ST6GAL1: variants seen among roughly 807,000 people sequenced by gnomAD.
ST6GAL1 encodes the protein ST6 beta-galactoside alpha-2,6-sialyltransferase 1, also known as beta-galactoside alpha-2,6-sialyltransferase 1.
In ST6GAL1, 20 loss-of-function variants were observed where a neutral mutation model predicts 38.0. The observed-to-expected ratio is 0.53, with a 90% confidence interval of 0.37 to 0.77. The LOEUF (loss-of-function observed/expected upper bound fraction) is 0.77. Among genes scored for constraint, ST6GAL1 ranks in the 30% least tolerant of loss-of-function variants. The pLI is 0.00. For missense variants in ST6GAL1, 432 were observed against 496.4 expected (o/e 0.87, Z 1.23); for synonymous variants, 196 against 188.2 (o/e 1.04, Z -0.34).
chr3:187,026,749 A>G (rs2108569540), intron 2 of ST6GAL1, among the ~76,000 whole-genome samples: 1 of 152,314 alleles, frequency 6.6e-6, no homozygotes, highest in Non-Finnish European at 1.5e-5. Context: ...GTTACGTAAA[A>G]TACAATAAAA....
At chr3:187,014,156 G>T (rs1033860781) in intron 2 of ST6GAL1, among the ~76,000 whole-genome samples, 1 of 152,194 alleles carries the variant, frequency 6.6e-6, no homozygotes, top group African/African-American at 2.4e-5. Context: ...CTGTGAAGTA[G>T]GTGCTTTTGC....
At chr3:187,046,448 C>T (rs553429201) in intron 4 of ST6GAL1, among the ~76,000 whole-genome samples, 1 of 152,214 alleles carries the variant, frequency 6.6e-6, no homozygotes, top group Non-Finnish European at 1.5e-5. Context: ...ATTTACAAGT[C>T]ATTTGTATCA....
At chr3:186,978,221 TA>T (rs1715580846) in intron 2 of ST6GAL1, among the ~76,000 whole-genome samples, 1 of 151,450 alleles carries the variant, frequency 6.6e-6, no homozygotes, top group Admixed American at 6.6e-5. Flanking sequence ...AAAATAAAAA[TA>T]AAAGAAAAAA....
At position 187,043,221 on chromosome 3, in the gene ST6GAL1, G is replaced by T. The variant is rs200865084; in HGVS notation, c.518G>T (p.Ser173Ile). 4.6e-5 allele frequency: 74 copies of T among 1,614,228 alleles called. No individual in the cohort carries two copies. The East Asian group carries it at 1.6e-3, about 36-fold the overall frequency. The change falls in exon 4 of 8, where the codon AGC becomes ATC. Residue 173 changes from serine (S) to isoleucine (I), a missense_variant. Coordinates refer to ENST00000169298, the MANE Select transcript of ST6GAL1 (RefSeq NM_173216.2). ...SEWEGYLPKE[S>I]IRTKAGPWGR... ...TGGGAGGGTTATCTGCCCAAGGAGA[G>T]CATTAGGACCAAGGCTGGGCCTTGG...
intron 2 of ST6GAL1, among the ~76,000 whole-genome samples, chr3:186,985,490 G>T (rs1158760651): frequency 1.3e-5 from 2 of 151,758 alleles, no homozygotes; most frequent in African/African-American, 4.8e-5. Flanking sequence ...TTTTTGAAAG[G>T]ATATGATCTG....
intron 2 of ST6GAL1, among the ~76,000 whole-genome samples, chr3:187,016,741 A>G (rs866071321): frequency 5.3e-5 from 8 of 152,306 alleles, no homozygotes; most frequent in Middle Eastern, 3.4e-3. Flanking sequence ...CCCAGGAGGC[A>G]ATGATGTGGG....
intron 2 of ST6GAL1, among the ~76,000 whole-genome samples, chr3:186,984,802 T>TCCTTCCTTCCTTCCTTCCTTCCTC (rs1379299572): frequency 3.7e-5 from 1 of 27,222 alleles, no homozygotes; most frequent in Non-Finnish European, 7.8e-5. Flanking sequence ...CTTCCTTCCT[T>TCCTTCCTTCCTTCCTTCCTTCCTC]CCATCCTTCC....
chr3:186,958,177 T>G (rs912315722), intron 1 of ST6GAL1, among the ~76,000 whole-genome samples: 1 of 152,000 alleles, frequency 6.6e-6, no homozygotes, highest in African/African-American at 2.4e-5. Flanking sequence ...GACAAACAAA[T>G]GAGGTAATAA....
At chr3:186,989,110 T>C (rs1716062564) in intron 2 of ST6GAL1, among the ~76,000 whole-genome samples, 1 of 152,188 alleles carries the variant, frequency 6.6e-6, no homozygotes, top group Non-Finnish European at 1.5e-5. Flanking sequence ...CTGAGCTTAT[T>C]GTCATTCTTT....
chr3:187,009,801 C>G (rs890605808), intron 2 of ST6GAL1, among the ~76,000 whole-genome samples: 17 of 152,006 alleles, frequency 1.1e-4, no homozygotes, highest in Non-Finnish European at 2.5e-4. Flanking sequence ...GTCAGGAGTT[C>G]AAGACCACCC....
intron 2 of ST6GAL1, among the ~76,000 whole-genome samples, chr3:187,014,546 T>C (rs1445818552): frequency 6.6e-6 from 1 of 152,240 alleles, no homozygotes; most frequent in African/African-American, 2.4e-5. Context: ...GTTCCTTCTT[T>C]GGGCCTGCTT....
At chr3:187,067,049 T>C in intron 5 of ST6GAL1, among the ~76,000 whole-genome samples, 1 of 151,490 alleles carries the variant, frequency 6.6e-6, no homozygotes, top group East Asian at 1.9e-4. Flanking sequence ...CCCCATCCAG[T>C]TTTAAGGCAA....
At chr3:187,057,750 A>G (rs1469718309) in intron 5 of ST6GAL1, among the ~76,000 whole-genome samples, 1 of 152,206 alleles carries the variant, frequency 6.6e-6, no homozygotes, top group Non-Finnish European at 1.5e-5. Flanking sequence ...CACGGGGCTC[A>G]GGGACCCACT....
intron 2 of ST6GAL1, among the ~76,000 whole-genome samples, chr3:187,030,583 G>A (rs1236613196): frequency 1.3e-5 from 2 of 151,982 alleles, no homozygotes; most frequent in East Asian, 1.9e-4. Flanking sequence ...ACAGGCGCCC[G>A]CCACCACACC....
intron 1 of ST6GAL1, among the ~76,000 whole-genome samples, chr3:186,947,352 C>T (rs2108518702): frequency 6.6e-6 from 1 of 152,336 alleles, no homozygotes; most frequent in South Asian, 2.1e-4. Flanking sequence ...TGATGTTTAT[C>T]TGCCCAGAGG....
At chr3:187,043,977 T>C (rs1377197766) in intron 4 of ST6GAL1, 1 of 152,266 alleles carries the variant, frequency 6.6e-6, no homozygotes, top group Non-Finnish European at 1.5e-5. Flanking sequence ...ATCCCTGCAA[T>C]TGCGTGCAAA....
chr3:186,989,533 T>C (rs558855416), intron 2 of ST6GAL1, among the ~76,000 whole-genome samples: 1 of 152,310 alleles, frequency 6.6e-6, no homozygotes, highest in Non-Finnish European at 1.5e-5. Flanking sequence ...TAAGATCTTT[T>C]CTAGCTGTGA....
At chr3:187,047,536 C>G (rs971107942) in intron 4 of ST6GAL1, among the ~76,000 whole-genome samples, 2 of 152,084 alleles carry the variant, frequency 1.3e-5, no homozygotes, top group African/African-American at 4.8e-5. Flanking sequence ...TACAGTGATG[C>G]ATTTATTTTT....
intron 2 of ST6GAL1, among the ~76,000 whole-genome samples, chr3:187,025,286 T>A: frequency 6.6e-6 from 1 of 152,088 alleles, no homozygotes; most frequent in East Asian, 1.9e-4. Flanking sequence ...AGCAGTGTAG[T>A]AAAGATTAGG....
Sources: gnomAD v4.1 joint callset for allele counts (sites outside exome capture counted in the v4.1 genomes callset) on GRCh38, gnomAD v4.1.1 for gene constraint, MANE v1.5 for transcripts, NCBI Gene and HGNC (gene_info 2026-07-23, HGNC 2026-07-21) for gene names.